The following DSCAM variants were observed in gnomAD, a reference collection of about 807,000 sequenced individuals.
DSCAM encodes DS cell adhesion molecule, also known as cell adhesion molecule DSCAM.
Under a neutral mutation model 217.7 loss-of-function variants are expected in DSCAM, and 47 were observed. The ratio of observed to expected loss-of-function variants is 0.22; its 90% confidence interval spans 0.17 to 0.28. The LOEUF is 0.28. Among genes scored for constraint, DSCAM ranks in the 10% least tolerant of loss-of-function variants. The pLI, the probability that DSCAM is intolerant of heterozygous loss-of-function variation, is 1.00. For synonymous variants in DSCAM, 1,056 were observed against 1,015.3 expected, an observed-to-expected ratio of 1.04 and a Z score of -0.76; for missense variants, 2,080 against 2,618.3, an observed-to-expected ratio of 0.79 and a Z score of 4.49.
At chr21:40,784,247 C>T (rs1036779605) in intron 1 of DSCAM, among the ~76,000 whole-genome samples, 12 of 152,030 alleles carry the variant, frequency 7.9e-5, no homozygotes, top group Non-Finnish European at 1.2e-4. Flanking sequence ...GGGGCGGTTT[C>T]CCCTATACTG....
Position 40,380,545 on chromosome 21 carries a change from T to C in DSCAM, c.509-11300A>G, listed in dbSNP as rs532363617. On this transcript the variant is annotated intron_variant, in intron 3 of 32. Transcript: ENST00000400454. Reference sequence around the variant, plus strand: ...ATTTACATGAATTGAGAAACAGAAGTTGACTCTAGTAAAGAGAAGAGCTGT... The same window carrying C: ...ATTTACATGAATTGAGAAACAGAAGCTGACTCTAGTAAAGAGAAGAGCTGT... 4.6e-5 allele frequency among the ~76,000 whole-genome samples: 7 copies of C among 152,260 alleles called. 1 individual carries two copies. In the South Asian group the frequency reaches 1.5e-3, roughly 32 times the overall value.
chr21:40,212,071 G>T (rs576424072), intron 11 of DSCAM, among the ~76,000 whole-genome samples: 3 of 151,930 alleles, frequency 2.0e-5, no homozygotes, highest in African/African-American at 4.8e-5. Context: ...CCAGGTTCAA[G>T]CATTTCTCCT....
chr21:40,145,033 C>A (rs988796974), intron 16 of DSCAM, among the ~76,000 whole-genome samples: 3 of 152,096 alleles, frequency 2.0e-5, no homozygotes, highest in African/African-American at 7.2e-5. Flanking sequence ...GGTGTTGGGC[C>A]CCAGAGCCTG....
chr21:40,500,339 C>T (rs1568856363), intron 3 of DSCAM, among the ~76,000 whole-genome samples: 1 of 151,978 alleles, frequency 6.6e-6, no homozygotes, highest in Non-Finnish European at 1.5e-5. Flanking sequence ...TAATAAACTG[C>T]TTATTTCTGT....
intron 3 of DSCAM, among the ~76,000 whole-genome samples, chr21:40,481,324 C>A (rs1485609480): frequency 2.0e-5 from 3 of 152,006 alleles, no homozygotes; most frequent in South Asian, 2.1e-4. Flanking sequence ...CCCGTCTCTA[C>A]TAAGAATACA....
At chr21:40,069,601 G>A (rs1003749910) in intron 27 of DSCAM, among the ~76,000 whole-genome samples, 4 of 152,262 alleles carry the variant, frequency 2.6e-5, no homozygotes, top group South Asian at 2.1e-4. Flanking sequence ...AATGGAAGAC[G>A]CTTAGGTTAA....
At chr21:40,043,582 T>C (rs1222007780) in intron 31 of DSCAM, among the ~76,000 whole-genome samples, 1 of 152,222 alleles carries the variant, frequency 6.6e-6, no homozygotes, top group East Asian at 1.9e-4. Context: ...TGGTGGTTGA[T>C]GGCATAGACT....
intron 3 of DSCAM, among the ~76,000 whole-genome samples, chr21:40,649,652 G>A (rs2089990357): frequency 6.6e-6 from 1 of 151,992 alleles, no homozygotes; most frequent in South Asian, 2.1e-4. Context: ...AACATGCCAA[G>A]GTAGTTCACA....
chr21:40,215,085 G>T (rs2091229756), intron 11 of DSCAM, among the ~76,000 whole-genome samples: 1 of 90,294 alleles, frequency 1.1e-5, no homozygotes, highest in African/African-American at 3.7e-5. Context: ...CGGGCGCGGT[G>T]GCGGGCGCCT....
rs1282625524 is a variant in DSCAM, at chr21:40,012,208, G to C, written c.*826C>G. 1 of 152,246 alleles carries C rather than the reference G, an allele frequency of 6.6e-6. No homozygotes were observed. The highest frequency in any genetic ancestry group is 1.9e-4 in the East Asian group (1 of 5,174). 9.4% of individuals were successfully genotyped at this position (152,246 alleles called of 1,614,324 possible). A position where few individuals can be genotyped will look rare whatever the true frequency, so the allele number is the denominator to read the frequency against. On this transcript the variant is annotated 3_prime_UTR_variant, in exon 33 of 33. Coordinates refer to ENST00000400454, the MANE Select transcript of DSCAM (RefSeq NM_001389.5). Reference sequence around the variant, plus strand: ...TGGCCTCTGGTTGCGGTGGAGACCAGCCTGCATTTTGTCCTCTCCAGCTTG... The same window carrying C: ...TGGCCTCTGGTTGCGGTGGAGACCACCCTGCATTTTGTCCTCTCCAGCTTG...
intron 8 of DSCAM, among the ~76,000 whole-genome samples, chr21:40,327,423 T>G (rs1165518404): frequency 2.6e-5 from 4 of 152,224 alleles, no homozygotes; most frequent in Admixed American, 2.6e-4. Flanking sequence ...TGAATTGGTT[T>G]ATTACTTCTA....
At chr21:40,218,699 T>A (rs986665030) in intron 11 of DSCAM, among the ~76,000 whole-genome samples, 1 of 152,200 alleles carries the variant, frequency 6.6e-6, no homozygotes, top group African/African-American at 2.4e-5. Flanking sequence ...GTTGTAGAGA[T>A]CTTTCACCTC....
chr21:40,594,910 C>A (rs1314139673), intron 3 of DSCAM, among the ~76,000 whole-genome samples: 1 of 151,988 alleles, frequency 6.6e-6, no homozygotes, highest in Non-Finnish European at 1.5e-5. Context: ...GCTCTTGAGC[C>A]CAATTCTATG....
chr21:40,045,306 T>G (rs2088826353), intron 30 of DSCAM, among the ~76,000 whole-genome samples: 1 of 152,234 alleles, frequency 6.6e-6, no homozygotes, highest in African/African-American at 2.4e-5. Context: ...ATGTCCCAAC[T>G]CTCCTTAAGG....
chr21:40,808,361 A>G (rs975095232), intron 1 of DSCAM, among the ~76,000 whole-genome samples: 1 of 152,124 alleles, frequency 6.6e-6, no homozygotes, highest in Non-Finnish European at 1.5e-5. Flanking sequence ...AGTAGAACAG[A>G]GAAGTGATAA....
chr21:40,348,881 C>A (rs1202151768), intron 5 of DSCAM, among the ~76,000 whole-genome samples: 1 of 152,024 alleles, frequency 6.6e-6, no homozygotes, highest in Non-Finnish European at 1.5e-5. Flanking sequence ...GTGGCTCACA[C>A]CTGTAATCCC....
At chr21:40,273,186 CTTAT>C (rs893396580) in intron 11 of DSCAM, among the ~76,000 whole-genome samples, 4 of 152,082 alleles carry the variant, frequency 2.6e-5, no homozygotes, top group African/African-American at 7.2e-5. Context: ...TATTGGAATA[CTTAT>C]TTAGAGTATC....
At chr21:40,416,430 T>C (rs73902610) in intron 3 of DSCAM, among the ~76,000 whole-genome samples, 1,629 of 152,342 alleles carry the variant, frequency 0.011, 29 homozygotes, top group African/African-American at 0.036. Context: ...TTTTTGGTGC[T>C]TAATGGATGC....
chr21:40,013,506 T>C, intron 32 of DSCAM, 120 bp from the exon 33 acceptor site: 1 of 679,036 alleles, frequency 1.5e-6, no homozygotes, highest in Non-Finnish European at 2.3e-6. Flanking sequence ...TGCACACAGG[T>C]GCCTTTCTCA....
Sources: gnomAD v4.1 joint callset for allele counts (sites outside exome capture counted in the v4.1 genomes callset) on GRCh38, gnomAD v4.1.1 for gene constraint, MANE v1.5 for transcripts, NCBI Gene and HGNC (gene_info 2026-07-23, HGNC 2026-07-21) for gene names.